Variants in SELENOT observed in about 807,000 individuals in gnomAD.
The protein encoded by SELENOT is thioredoxin reductase-like selenoprotein T.
In SELENOT, 9 loss-of-function variants were observed where a neutral mutation model predicts 24.3. The ratio of observed to expected loss-of-function variants is 0.37; its 90% CI spans 0.22 to 0.65. The LOEUF is 0.65. Ranked by LOEUF, SELENOT falls within the 30% of genes least tolerant of loss-of-function variation. The probability of loss-of-function intolerance (pLI) is 0.60; values close to 1 mark genes in which losing one functional copy is unlikely to be tolerated. For synonymous variants in SELENOT, 81 were observed against 86.0 expected, an observed-to-expected ratio of 0.94 and a Z score of 0.32; for missense variants, 166 against 247.6, an observed-to-expected ratio of 0.67 and a Z score of 2.21.
chr3:150,620,677 G>A (rs913277433), intron 1 of SELENOT, among the ~76,000 whole-genome samples: 6 of 152,172 alleles, frequency 3.9e-5, no homozygotes, highest in African/African-American at 1.2e-4. Context: ...CAAGTCTCTA[G>A]TTCTCAAATT....
rs143689886 is a variant in SELENOT, at chr3:150,620,666, C to T, written c.138-1719C>T. ...TCTATAAAATACAAGTTTTGACTAA[C>T]CAAGTCTCTAGTTCTCAAATTACTG... On this transcript the variant is annotated intron_variant, in intron 1 of 5. Coordinates refer to ENST00000471696, the MANE Select transcript of SELENOT (RefSeq NM_016275.5). Among the ~76,000 whole-genome samples, 549 of 152,262 alleles carry T rather than the reference C, an allele frequency of 3.6e-3. 5 individuals are homozygous for T. Among genetic ancestry groups the T allele is most frequent in the African/African-American group, 0.013 (531 of 41,560 alleles).
At chr3:150,626,807 C>T (rs1202953800) in intron 4 of SELENOT, 6 of 533,122 alleles carry the variant, frequency 1.1e-5, no homozygotes, top group Non-Finnish European at 2.0e-5. Flanking sequence ...GTTCTAAGTA[C>T]ACAATTGTAA....
At chr3:150,624,210 T>A (rs1279307844) in intron 3 of SELENOT, among the ~76,000 whole-genome samples, 1 of 152,156 alleles carries the variant, frequency 6.6e-6, no homozygotes, top group African/African-American at 2.4e-5. Context: ...GGAAAGCTCT[T>A]TCTCATCTGC....
In SELENOT at chr3:150,603,484, T is replaced by C; in HGVS notation, c.122T>C (p.Leu41Pro). 1 of 1,607,186 alleles carries C rather than the reference T, an allele frequency of 6.2e-7. No individual in the cohort carries two copies. Among genetic ancestry groups the C allele is most frequent in the South Asian group, 1.1e-5 (1 of 90,694 alleles). The change falls in exon 1 of 6, where the codon CTC becomes CCC. Residue 41 changes from leucine to proline, a missense_variant. Coordinates refer to ENST00000471696, the MANE Select transcript of SELENOT (RefSeq NM_016275.5). ...ATGCAGTACGCCACGGGGCCGCTGC[T>C]CAAGTTCCAGATTTGGTGAGTATGT... The part of the protein sequence containing the change: ...LKMQYATGPL[L>P]KFQICVSUGY...
intron 1 of SELENOT, among the ~76,000 whole-genome samples, chr3:150,607,308 T>C (rs1559894943): frequency 6.6e-6 from 1 of 152,370 alleles, no homozygotes; most frequent in East Asian, 1.9e-4. Context: ...TTGGCTTTCA[T>C]AGTGTGACAG....
At chr3:150,619,901 G>A (rs1726302175) in intron 1 of SELENOT, among the ~76,000 whole-genome samples, 2 of 152,182 alleles carry the variant, frequency 1.3e-5, no homozygotes, top group Non-Finnish European at 2.9e-5. Flanking sequence ...CACAAGTCTG[G>A]AAGCAAATAT....
Position 150,629,342 on chromosome 3 carries a change from A to G in SELENOT, c.*1713A>G, listed in dbSNP as rs1726508984. On this transcript the variant is annotated 3_prime_UTR_variant, in exon 6 of 6. Transcript: ENST00000471696. Reference sequence around the variant, plus strand: ...AAGAGTCCTTAGAGATTGTTATTCAAGTTCCTTAGAAATTGTTATTTAGGT... The same window carrying G: ...AAGAGTCCTTAGAGATTGTTATTCAGGTTCCTTAGAAATTGTTATTTAGGT... 6.6e-6 allele frequency: 1 copy of G among 152,634 alleles called. No individual in the cohort carries two copies. The highest frequency in any genetic ancestry group is 1.5e-5 in the Non-Finnish European group (1 of 68,024). 9.5% of individuals were successfully genotyped at this position (152,634 alleles called of 1,614,324 possible). A position where few individuals can be genotyped will look rare whatever the true frequency, so the allele number is the denominator to read the frequency against.
At chr3:150,624,978 A>G in intron 4 of SELENOT, 79 bp downstream of exon 4, 1 of 659,614 alleles carries the variant, frequency 1.5e-6, no homozygotes. Flanking sequence ...CTTTTATAAT[A>G]AGATAAACTT....
intron 1 of SELENOT, among the ~76,000 whole-genome samples, chr3:150,620,545 C>T (rs114194613): frequency 3.3e-5 from 5 of 152,088 alleles, no homozygotes; most frequent in African/African-American, 4.8e-5. Context: ...AATAAATAGG[C>T]GTTCAGTAAA....
chr3:150,607,639 CGG>C (rs1725995224), intron 1 of SELENOT, among the ~76,000 whole-genome samples: 1 of 152,118 alleles, frequency 6.6e-6, no homozygotes, highest in Non-Finnish European at 1.5e-5. Flanking sequence ...GATGCCTAGT[CGG>C]GATCAGGGAA....
chr3:150,623,094 A>G lies in SELENOT; in HGVS notation c.300A>G (p.Ile100Met). The change falls in exon 3 of 6, where the codon ATA (isoleucine) becomes ATG (methionine). Residue 100 changes from isoleucine (I) to methionine (M), a missense_variant. Around this residue, in one of 5 missense-constraint regions of SELENOT, gnomAD observed 71 missense variants for 89.2 expected, o/e 0.80. Transcript: ENST00000471696. ...SVFKLVLIGL[I>M]IVGKDPFAFF... Reference sequence around the variant, plus strand: ...TCAAACTAGTATTAATAGGCTTAATAATTGTTGGCAAGGATCCTTTTGCTT... The same window carrying G: ...TCAAACTAGTATTAATAGGCTTAATGATTGTTGGCAAGGATCCTTTTGCTT... 2 of 1,605,822 alleles carry G rather than the reference A, an allele frequency of 1.2e-6. No homozygotes were observed. Among genetic ancestry groups the G allele is most frequent in the South Asian group, 1.1e-5 (1 of 89,758 alleles).
intron 1 of SELENOT, among the ~76,000 whole-genome samples, chr3:150,608,063 T>TG (rs1726007813): frequency 6.6e-6 from 1 of 152,142 alleles, no homozygotes; most frequent in Non-Finnish European, 1.5e-5. Flanking sequence ...TGTATGTTTG[T>TG]GGGGAAAGAG....
intron 2 of SELENOT, among the ~76,000 whole-genome samples, chr3:150,622,720 G>A (rs1210660058): frequency 6.6e-6 from 1 of 151,842 alleles, no homozygotes; most frequent in Non-Finnish European, 1.5e-5. Flanking sequence ...TTCTAAAGAT[G>A]TGTTTTCATA....
intron 2 of SELENOT, 50 bp from the exon 3 acceptor site, chr3:150,622,993 T>A (rs1726373058): frequency 6.9e-7 from 1 of 1,448,266 alleles, no homozygotes; most frequent in African/African-American, 1.4e-5. Context: ...AATTTTAAAG[T>A]AGATTGGAAA....
At chr3:150,605,206 G>T (rs186611118) in intron 1 of SELENOT, among the ~76,000 whole-genome samples, 1 of 152,254 alleles carries the variant, frequency 6.6e-6, no homozygotes, top group East Asian at 1.9e-4. Context: ...TAAGGGTTGT[G>T]ATACTTACGG....
In SELENOT at chr3:150,618,695, C is replaced by CT. The variant is rs550245014; in HGVS notation, c.138-3681dup. 634 of 153,016 alleles carry CT rather than the reference C, an allele frequency of 4.1e-3. 3 individuals carry two copies. The highest frequency in any genetic ancestry group is 0.014 in the African/African-American group (573 of 41,246). 9.5% of individuals were successfully genotyped at this position (153,016 alleles called of 1,614,324 possible). A position where few individuals can be genotyped will look rare whatever the true frequency, so the allele number is the denominator to read the frequency against. ...TGGTACCATACCTGGCTAATTTTTT[C>CT]TTTTTTTTTGTAGAGATGGAGTCTC... On this transcript the variant is annotated intron_variant, in intron 1 of 5. Transcript: ENST00000471696.
At chr3:150,605,038 A>G (rs1379350292) in intron 1 of SELENOT, among the ~76,000 whole-genome samples, 4 of 24,258 alleles carry the variant, frequency 1.6e-4, no homozygotes, top group African/African-American at 3.4e-4. Context: ...ACTCCGTCTC[A>G]AAAAAAAAAA....
rs1270839949 is a variant in SELENOT, at chr3:150,628,166, A to G, written c.*537A>G. On this transcript the variant is annotated 3_prime_UTR_variant, in exon 6 of 6. Coordinates refer to ENST00000471696, the MANE Select transcript of SELENOT (RefSeq NM_016275.5). ...ACAGTTTACAAAATATAGCAGATGC[A>G]AGATTATGGGGGAAATCCTATATTC... The G allele has an allele frequency of 6.6e-6, 1 of 152,434 alleles. No individual in the cohort carries two copies. Among genetic ancestry groups the G allele is most frequent in the Non-Finnish European group, 1.5e-5 (1 of 68,022 alleles). The allele number at this position is 152,434 out of a possible 1,614,324, so 9.4% of individuals were successfully genotyped here. A position where few individuals can be genotyped will look rare whatever the true frequency, so the allele number is the denominator to read the frequency against.
chr3:150,623,319 C>G (rs1267706571), intron 3 of SELENOT, 150 bp downstream of exon 3: 2 of 644,084 alleles, frequency 3.1e-6, no homozygotes, highest in Non-Finnish European at 4.7e-6. Context: ...GGGGAAGTCA[C>G]TTAGCCTCCC....
Sources: allele counts gnomAD v4.1 joint callset (sites outside exome capture counted in the v4.1 genomes callset), GRCh38; gene constraint gnomAD v4.1.1; regional missense constraint gnomAD v4.1.1; transcripts MANE v1.5; gene names NCBI Gene and HGNC (gene_info 2026-07-23, HGNC 2026-07-21).